HGD: variants seen among roughly 807,000 people sequenced by gnomAD.
HGD encodes homogentisate 1,2-dioxygenase.
In HGD, 61 loss-of-function variants were observed where a neutral mutation model predicts 60.8. That is an observed-to-expected ratio of 1.00 (90% CI 0.82 to 1.24). The LOEUF is 1.24. Ranked by LOEUF, HGD falls within the 50% of genes most tolerant of loss-of-function variation. The pLI is 0.00. For missense variants in HGD, 542 were observed against 547.1 expected (o/e 0.99, Z 0.09); for synonymous variants, 212 against 187.7 (o/e 1.13, Z -1.06).
chr3:120,628,481 G>A lies in HGD; in HGVS notation c.1237C>T (p.Leu413Phe), dbSNP rs370401523. The A allele has an allele frequency of 1.2e-5, 19 of 1,613,980 alleles. No homozygotes were observed. The highest frequency in any genetic ancestry group is 1.5e-5 in the Non-Finnish European group (18 of 1,179,986). ...TCATCCAAACACCTGGAGGCCTTGA[G>A]TCCCCACTTTGTGACCGCCAGACTT... Reference protein sequence around the residue: ...SLSLAVTKWGLKASRCLDENY... With the variant: ...SLSLAVTKWGFKASRCLDENY... The change falls in exon 14 of 14, where the codon CTC becomes TTC. Residue 413 changes from leucine to phenylalanine, a missense_variant. Transcript: ENST00000283871.
At chr3:120,679,261 C>A (rs906679751) in intron 1 of HGD, among the ~76,000 whole-genome samples, 4 of 152,090 alleles carry the variant, frequency 2.6e-5, no homozygotes, top group African/African-American at 9.7e-5. Context: ...CTAGGTAACA[C>A]CTGATGAGAT....
intron 4 of HGD, among the ~76,000 whole-genome samples, chr3:120,657,720 C>T (rs1056939787): frequency 6.6e-6 from 1 of 152,052 alleles, no homozygotes; most frequent in African/African-American, 2.4e-5. Flanking sequence ...AAGCATGATG[C>T]TGGCATCTGC....
chr3:120,652,631 C>T lies in HGD; in HGVS notation c.303G>A (p.Glu101=), dbSNP rs1235671038. The change falls in exon 5 of 14, where the codon GAG becomes GAA. Residue 101 remains glutamate, a synonymous_variant. Coordinates refer to ENST00000283871, the MANE Select transcript of HGD (RefSeq NM_000187.4). ...DPNQLRWKPF[E]IPKASQKKVD... is the part of the protein sequence containing the mutation. ...CTTTCTTCTGAGATGCTTTTGGAAT[C>T]TCAAATGGTTTCCATCTAAGCTGGA... 3.7e-6 allele frequency: 6 copies of T among 1,613,266 alleles called. No homozygotes were observed. In the South Asian group the frequency reaches 6.6e-5, roughly 18 times the overall value.
intron 4 of HGD, among the ~76,000 whole-genome samples, chr3:120,658,463 G>C (rs1169796208): frequency 6.6e-6 from 1 of 152,204 alleles, no homozygotes; most frequent in African/African-American, 2.4e-5. Flanking sequence ...GGCTACCAAG[G>C]TCTTGGTCAG....
intron 13 of HGD, among the ~76,000 whole-genome samples, chr3:120,631,966 G>A (rs1206740308): frequency 6.6e-6 from 1 of 152,172 alleles, no homozygotes; most frequent in Admixed American, 6.5e-5. Flanking sequence ...GGGACCAAAG[G>A]TTATTGAGTG....
chr3:120,652,143 G>A (rs148000851), intron 5 of HGD, among the ~76,000 whole-genome samples: 3,230 of 152,134 alleles, frequency 0.021, 50 homozygotes, highest in Middle Eastern at 0.041. Context: ...TAACAAGAAA[G>A]CACATGAATG....
chr3:120,650,278 G>A (rs997851521), intron 6 of HGD, among the ~76,000 whole-genome samples: 5 of 152,212 alleles, frequency 3.3e-5, no homozygotes, highest in South Asian at 2.1e-4. Flanking sequence ...TGGATCTAAT[G>A]TACACCTTAT....
chr3:120,628,694 G>A (rs1940493753), intron 13 of HGD, among the ~76,000 whole-genome samples, 165 bp from the exon 14 acceptor site: 1 of 152,152 alleles, frequency 6.6e-6, no homozygotes, highest in Non-Finnish European at 1.5e-5. Context: ...CTGAGTTGTG[G>A]CTCTGGTCCT....
At chr3:120,648,974 C>A (rs908967131) in intron 6 of HGD, among the ~76,000 whole-genome samples, 1 of 152,034 alleles carries the variant, frequency 6.6e-6, no homozygotes, top group Non-Finnish European at 1.5e-5. Flanking sequence ...ATTGAAAGCG[C>A]CTTCAACTTT....
chr3:120,650,889 G>C, intron 5 of HGD, 24 bp from the exon 6 acceptor site: 1 of 1,583,334 alleles, frequency 6.3e-7, no homozygotes, highest in Non-Finnish European at 8.7e-7. Context: ...ACAGAAGAGG[G>C]AAAGGTTAAT....
chr3:120,652,473 TTG>T, intron 5 of HGD, 117 bp downstream of exon 5: 1 of 756,496 alleles, frequency 1.3e-6, no homozygotes, highest in South Asian at 1.5e-5. Flanking sequence ...GCAGGTGGTT[TTG>T]TCTCTGCTGC....
At chr3:120,641,733 A>G in intron 10 of HGD, 40 bp from the exon 11 acceptor site, 1 of 1,311,400 alleles carries the variant, frequency 7.6e-7, no homozygotes, top group African/African-American at 1.4e-5. Flanking sequence ...TTACCATCTA[A>G]TGCTTTTGTA....
chr3:120,644,858 G>A (rs1210789256), intron 9 of HGD, among the ~76,000 whole-genome samples: 1 of 151,972 alleles, frequency 6.6e-6, no homozygotes, highest in Non-Finnish European at 1.5e-5. Context: ...GATAGAAAGG[G>A]TTACACGCTG....
chr3:120,662,683 TTTC>T (rs1384020694), intron 4 of HGD, among the ~76,000 whole-genome samples: 1 of 152,186 alleles, frequency 6.6e-6, no homozygotes, highest in Non-Finnish European at 1.5e-5. Context: ...CACTTGATTA[TTTC>T]TTATCAACAA....
intron 1 of HGD, among the ~76,000 whole-genome samples, chr3:120,680,819 A>G (rs1448700917): frequency 6.6e-6 from 1 of 152,086 alleles, no homozygotes; most frequent in Non-Finnish European, 1.5e-5. Flanking sequence ...GTGCCTTTGC[A>G]CTCACTCTTC....
intron 4 of HGD, among the ~76,000 whole-genome samples, chr3:120,666,239 T>TG (rs1445074984): frequency 6.6e-6 from 1 of 152,080 alleles, no homozygotes; most frequent in Non-Finnish European, 1.5e-5. Flanking sequence ...TCCCAGTGTG[T>TG]GTGAAGACAA....
chr3:120,666,155 T>C (rs557343447), intron 4 of HGD, among the ~76,000 whole-genome samples: 2 of 152,276 alleles, frequency 1.3e-5, no homozygotes, highest in South Asian at 2.1e-4. Flanking sequence ...GTCAGAAAGA[T>C]AATAAACTGC....
chr3:120,640,861 T>A (rs1021839608), intron 11 of HGD, among the ~76,000 whole-genome samples: 28 of 152,216 alleles, frequency 1.8e-4, no homozygotes, highest in African/African-American at 6.5e-4. Context: ...CTTTTGCCTC[T>A]GAGTCTCTGA....
rs143459574 is a variant in HGD at position 120,653,401 on chromosome 3, G to C, written c.283-750C>G. 9.3e-3 allele frequency among the ~76,000 whole-genome samples: 1,409 copies of C among 152,278 alleles called. 22 individuals carry two copies. The highest frequency in any genetic ancestry group is 0.032 in the African/African-American group (1,340 of 41,550). On this transcript the variant is annotated intron_variant, in intron 4 of 13. Transcript: ENST00000283871. ...AGGCTGGCAGCTGATAAGCCCAGCT[G>C]CCACGTTTCATGGAGCGACCCGCAC...
Sources: allele counts gnomAD v4.1 joint callset (sites outside exome capture counted in the v4.1 genomes callset), GRCh38; gene constraint gnomAD v4.1.1; transcripts MANE v1.5; gene names NCBI Gene and HGNC (gene_info 2026-07-23, HGNC 2026-07-21).